Variants in NAE1 observed in about 807,000 individuals in gnomAD.
NAE1 encodes the protein NEDD8 activating enzyme E1 subunit 1, also known as NEDD8-activating enzyme E1 regulatory subunit.
NAE1 carries 59 observed loss-of-function variants against 88.0 expected under a neutral mutation model. The ratio of observed to expected loss-of-function variants is 0.67; its 90% CI spans 0.54 to 0.83. The LOEUF (loss-of-function observed/expected upper bound fraction) is 0.83. Among genes scored for constraint, NAE1 ranks in the 40% least tolerant of loss-of-function variants. NAE1 has a pLI of 0.00. For synonymous variants in NAE1, 186 were observed against 208.9 expected (o/e 0.89, Z 0.95); for missense variants, 554 against 632.8 (o/e 0.88, Z 1.34).
At chr16:66,819,130 A>T (rs1289095744) in intron 7 of NAE1, among the ~76,000 whole-genome samples, 2 of 152,232 alleles carry the variant, frequency 1.3e-5, no homozygotes, top group East Asian at 3.8e-4. Flanking sequence ...AGTCAACTAT[A>T]AAGTTTTAGT....
intron 7 of NAE1, among the ~76,000 whole-genome samples, chr16:66,820,886 G>C (rs976047683): frequency 6.9e-6 from 1 of 144,270 alleles, no homozygotes; most frequent in African/African-American, 2.7e-5. Context: ...GAGCAAAAGA[G>C]AGAGACTCCG....
At chr16:66,821,347 T>C in intron 7 of NAE1, 103 bp downstream of exon 7, 1 of 1,353,136 alleles carries the variant, frequency 7.4e-7, no homozygotes, top group Non-Finnish European at 9.6e-7. Context: ...GATGTGCTGC[T>C]ACAAATTTAC....
chr16:66,822,669 T>C (rs1029364619), intron 6 of NAE1, among the ~76,000 whole-genome samples: 3 of 149,170 alleles, frequency 2.0e-5, no homozygotes, highest in Admixed American at 6.7e-5. Context: ...TTTATTTATT[T>C]ATTTATTTTT....
rs1302285595 is a variant in NAE1 at position 66,809,085 on chromosome 16, G to A, written c.1151-10C>T. ...AATGCAGAATTGCTGCCTGAACAGA[G>A]GAAAGATATTCTGGAAGTAATGACT... is the stretch of plus-strand genomic sequence containing the variant. On this transcript the variant is annotated splice_polypyrimidine_tract_variant and intron_variant, in intron 15 of 19. Transcript: ENST00000290810. 6.3e-7 allele frequency: 1 copy of A among 1,598,456 alleles called. No individual in the cohort carries two copies. The highest frequency in any genetic ancestry group is 1.1e-5 in the South Asian group (1 of 89,418).
chr16:66,825,303 C>T (rs1304137185), intron 3 of NAE1, among the ~76,000 whole-genome samples: 2 of 151,958 alleles, frequency 1.3e-5, no homozygotes, highest in South Asian at 2.1e-4. Context: ...AAAAATTAGC[C>T]GGGCGTGGTG....
intron 14 of NAE1, 78 bp downstream of exon 14, chr16:66,810,619 C>T (rs1011293203): frequency 7.5e-6 from 10 of 1,331,990 alleles, no homozygotes; most frequent in African/African-American, 1.5e-5. Flanking sequence ...GGCAGTGCCA[C>T]ACCCTCTGTC....
In NAE1 at chr16:66,803,074, C is replaced by A. The variant is rs759277006; in HGVS notation, c.1540G>T (p.Val514Leu). Residue 514 changes from valine (V) to leucine (L), a missense_variant, in exon 20 of 20, where the codon GTA (valine) becomes TTA (leucine). Val to Leu is a conservative substitution (Grantham distance 32). Coordinates refer to ENST00000290810, the MANE Select transcript of NAE1 (RefSeq NM_003905.4). ...EVIKIITKQF[V>L]IFNNTYIYSG... Reference sequence around the variant, plus strand: ...TAAATGTAAGTATTATTAAAAATTACAAATTGTTTGGTGATTATTTTGATG... The same window carrying A: ...TAAATGTAAGTATTATTAAAAATTAAAAATTGTTTGGTGATTATTTTGATG... 1 of 1,612,712 alleles carries A rather than the reference C, an allele frequency of 6.2e-7. No homozygotes were observed.
At chr16:66,809,126 T>G (rs760534069) in intron 15 of NAE1, 51 bp from the exon 16 acceptor site, 3 of 1,381,780 alleles carry the variant, frequency 2.2e-6, no homozygotes, top group Non-Finnish European at 3.1e-6. Flanking sequence ...TGGTGAATAT[T>G]ATGAATCACA....
At chr16:66,827,898 C>T (rs1203385625) in intron 1 of NAE1, 1 of 1,217,338 alleles carries the variant, frequency 8.2e-7, no homozygotes, top group East Asian at 2.3e-5. Context: ...GTTATCCAGA[C>T]TGGTCTTGAA....
Position 66,813,769 on chromosome 16 carries a change from T to C in NAE1, c.900+18A>G, listed in dbSNP as rs573913541. The C allele has an allele frequency of 9.9e-6, 16 of 1,613,370 alleles. No individual in the cohort carries two copies. The East Asian group carries it at 2.5e-4, about 25-fold the overall frequency. ...CCCAAAGTTTTAGCAGCAATGTTTT[T>C]ACTTTTGTTGTTGTTACCTGTTTGG... On this transcript the variant is annotated intron_variant, in intron 12 of 19. Transcript: ENST00000290810.
At chr16:66,815,683 CAG>C (rs1960012323) in intron 11 of NAE1, among the ~76,000 whole-genome samples, 1 of 137,356 alleles carries the variant, frequency 7.3e-6, no homozygotes, top group Non-Finnish European at 1.5e-5. Flanking sequence ...TTTTTTGAGA[CAG>C]AGTCTCGCTC....
At chr16:66,818,088 A>T (rs112233808) in intron 8 of NAE1, among the ~76,000 whole-genome samples, 1 of 152,154 alleles carries the variant, frequency 6.6e-6, no homozygotes, top group Non-Finnish European at 1.5e-5. Context: ...TATCCCCTCA[A>T]GCGTTTATCC....
At chr16:66,823,811 A>C (rs1177063109) in intron 4 of NAE1, among the ~76,000 whole-genome samples, 1 of 152,188 alleles carries the variant, frequency 6.6e-6, no homozygotes, top group Non-Finnish European at 1.5e-5. Context: ...AGCTCACTGC[A>C]GCCTTGAACT....
Position 66,805,923 on chromosome 16 carries a change from A to AT in NAE1, c.1433dup (p.Tyr478Ter). ...YGLSVMVKDD[Y>*]VHEFCRYGAA... The stretch of plus-strand genomic sequence containing the variant: ...TAAAAAATACTCACAATTCGTGGAC[A>AT]TAATCATCTTTCACCATTACAGATA... The change falls in exon 18 of 20, where the codon TAT becomes TAAT. Residue 478 changes from tyrosine to a stop codon, truncating the protein, a stop_gained and frameshift_variant. Coordinates refer to ENST00000290810, the MANE Select transcript of NAE1 (RefSeq NM_003905.4). LOFTEE classifies it high-confidence loss of function. The AT allele has an allele frequency of 6.2e-7, 1 of 1,610,438 alleles. No individual in the cohort carries two copies.
intron 6 of NAE1, among the ~76,000 whole-genome samples, chr16:66,823,007 C>G (rs1960329644): frequency 7.0e-6 from 1 of 142,420 alleles, no homozygotes; most frequent in African/African-American, 2.6e-5. Flanking sequence ...TGGCTCACAC[C>G]TGTAATCCCA....
intron 11 of NAE1, among the ~76,000 whole-genome samples, chr16:66,815,490 G>C (rs1352323432): frequency 6.6e-6 from 1 of 151,976 alleles, no homozygotes; most frequent in Non-Finnish European, 1.5e-5. Flanking sequence ...CAGAGTAGCT[G>C]AGACTACAGG....
intron 8 of NAE1, among the ~76,000 whole-genome samples, 174 bp downstream of exon 8, chr16:66,818,354 T>C (rs1238751114): frequency 1.3e-5 from 2 of 152,182 alleles, no homozygotes; most frequent in African/African-American, 4.8e-5. Context: ...AGTTTTTTAA[T>C]TTTGGAGAAA....
rs1228119885 is a variant in NAE1, at chr16:66,826,681, T to C, written c.153A>G (p.Leu51=). 2 of 1,613,952 alleles carry C rather than the reference T, an allele frequency of 1.2e-6. No homozygotes were observed. Among genetic ancestry groups the C allele is most frequent in the African/African-American group, 1.3e-5 (1 of 74,930 alleles). ...ACAACCACAAACCTACGTTACCTGG[T>C]AGTACCAAGTTTTTAAGAATTTCAG... ...TGTEILKNLV[L]PGIGSFTIID... Residue 51 remains leucine (L), a synonymous_variant, in exon 2 of 20, where the codon CTA becomes CTG. Transcript: ENST00000290810.
intron 3 of NAE1, among the ~76,000 whole-genome samples, chr16:66,825,159 G>C (rs1175631518): frequency 6.6e-6 from 1 of 152,162 alleles, no homozygotes; most frequent in Non-Finnish European, 1.5e-5. Flanking sequence ...AAACGTTTGG[G>C]AAACACCGGC....
Sources: gnomAD v4.1 joint callset for allele counts (sites outside exome capture counted in the v4.1 genomes callset) on GRCh38, gnomAD v4.1.1 for gene constraint, MANE v1.5 for transcripts, NCBI Gene and HGNC (gene_info 2026-07-23, HGNC 2026-07-21) for gene names.